The following PSMG2 variants were observed in gnomAD, a reference collection of about 807,000 sequenced individuals.
PSMG2 encodes the protein CD40 ligand-activated specific transcript 3.
A neutral mutation model predicts 31.5 loss-of-function variants in PSMG2; 21 were observed. The ratio of observed to expected loss-of-function variants is 0.67; its 90% CI spans 0.47 to 0.96. The LOEUF is 0.96. Ranked by LOEUF, PSMG2 falls within the 40% of genes least tolerant of loss-of-function variation. The pLI is 0.00. For synonymous variants in PSMG2, 120 were observed against 110.4 expected (o/e 1.09, Z -0.54); for missense variants, 318 against 321.2 (o/e 0.99, Z 0.08).
chr18:12,672,437 CT>C (rs1410944029), intron 1 of PSMG2, among the ~76,000 whole-genome samples: 6 of 152,054 alleles, frequency 3.9e-5, no homozygotes, highest in African/African-American at 1.4e-4. Flanking sequence ...TTAAAACGTG[CT>C]CAATTTTAAA....
chr18:12,690,503 C>T (rs1053628488), intron 1 of PSMG2, among the ~76,000 whole-genome samples: 5 of 151,672 alleles, frequency 3.3e-5, no homozygotes, highest in East Asian at 3.9e-4. Flanking sequence ...TTGCCCAGGC[C>T]GGACTGCAGT....
intron 2 of PSMG2, among the ~76,000 whole-genome samples, chr18:12,708,171 C>G (rs2040288494): frequency 6.6e-6 from 1 of 152,046 alleles, no homozygotes; most frequent in Non-Finnish European, 1.5e-5. Context: ...TCTTAGGAGG[C>G]TAACTAACTT....
At chr18:12,671,637 A>ACTTT (rs141904842) in intron 1 of PSMG2, among the ~76,000 whole-genome samples, 11 of 121,952 alleles carry the variant, frequency 9.0e-5, no homozygotes, top group African/African-American at 3.3e-4. Flanking sequence ...CAGGTTTCAC[A>ACTTT]CTTTCTTTTT....
chr18:12,672,034 G>C (rs1374302866), intron 1 of PSMG2, among the ~76,000 whole-genome samples: 1 of 151,598 alleles, frequency 6.6e-6, no homozygotes, highest in Non-Finnish European at 1.5e-5. Flanking sequence ...TGGCCAGGCT[G>C]GTCTTGAACC....
At chr18:12,701,743 C>T (rs953641448), upstream of PSMG2, among the ~76,000 whole-genome samples, 2 of 152,144 alleles carry the variant, frequency 1.3e-5, no homozygotes, top group African/African-American at 4.8e-5. Flanking sequence ...ATTACAAACC[C>T]TTTAGTAACT....
intron 1 of PSMG2, among the ~76,000 whole-genome samples, chr18:12,676,877 T>C (rs1285742246): frequency 6.6e-6 from 1 of 152,160 alleles, no homozygotes; most frequent in African/African-American, 2.4e-5. Flanking sequence ...TTGCCTTTGA[T>C]AGCCCCAAAG....
intron 1 of PSMG2, among the ~76,000 whole-genome samples, chr18:12,662,809 G>A (rs929719333): frequency 2.0e-5 from 3 of 152,130 alleles, no homozygotes; most frequent in Admixed American, 6.6e-5. Context: ...TTGACGAAAA[G>A]TAGAGGATTG....
At chr18:12,699,627 G>C (rs1359321243), upstream of PSMG2, among the ~76,000 whole-genome samples, 2 of 152,120 alleles carry the variant, frequency 1.3e-5, no homozygotes, top group African/African-American at 4.8e-5. Context: ...AGAAACTGGT[G>C]ATGCTGTTTT....
At chr18:12,707,385 C>G (rs962150540) in intron 2 of PSMG2, among the ~76,000 whole-genome samples, 3 of 152,038 alleles carry the variant, frequency 2.0e-5, no homozygotes, top group South Asian at 4.2e-4. Context: ...TATGGAAAGG[C>G]GAAAAGTAGA....
chr18:12,680,786 G>A (rs1287735258), intron 1 of PSMG2: 1 of 1,613,672 alleles, frequency 6.2e-7, no homozygotes, highest in Admixed American at 1.7e-5. Context: ...CCATATCCAA[G>A]AAGAAGGCTG....
At chr18:12,658,855 A>G in intron 1 of PSMG2, 1 of 307,166 alleles carries the variant, frequency 3.3e-6, no homozygotes, top group Non-Finnish European at 6.6e-6. Flanking sequence ...TGGAATATAA[A>G]CATGTACATA....
intron 1 of PSMG2, among the ~76,000 whole-genome samples, chr18:12,670,228 GCT>G (rs1175891438): frequency 6.6e-6 from 1 of 151,850 alleles, no homozygotes; most frequent in Non-Finnish European, 1.5e-5. Context: ...TACTTGGGAG[GCT>G]GAGGCAGGAG....
chr18:12,712,504 T>C (rs916681839), intron 2 of PSMG2, among the ~76,000 whole-genome samples, 198 bp from the exon 3 acceptor site: 2 of 152,234 alleles, frequency 1.3e-5, no homozygotes, highest in Non-Finnish European at 2.9e-5. Flanking sequence ...ATCTGTTCCA[T>C]AGAATAAAGC....
intron 5 of PSMG2, among the ~76,000 whole-genome samples, chr18:12,723,039 A>G (rs548309688): frequency 1.7e-4 from 26 of 152,238 alleles, no homozygotes; most frequent in Non-Finnish European, 3.1e-4. Flanking sequence ...GTACTGGGCT[A>G]GGGTGAGTGA....
rs1344308520 is a variant in PSMG2, at chr18:12,661,231, C to T, written c.-37+2458C>T. On this transcript the variant is annotated intron_variant, in intron 1 of 6. Coordinates refer to the PSMG2 transcript ENST00000585331. ...GCTGAGGCAGGGGAATCACTTGAACCCGGGAGGCGGAGCGTGCAGTGAGCC... is the reference window on the plus strand; with the variant it reads ...GCTGAGGCAGGGGAATCACTTGAACTCGGGAGGCGGAGCGTGCAGTGAGCC... 1.3e-5 allele frequency: 3 copies of T among 228,720 alleles called. No homozygotes were observed. In the Admixed American group the frequency reaches 2.0e-4, roughly 15 times the overall value. The allele number at this position is 228,720 out of a possible 1,614,324, so 14.2% of individuals were successfully genotyped here.
At chr18:12,661,463 A>C in intron 1 of PSMG2, 21 of 522,678 alleles carry the variant, frequency 4.0e-5, no homozygotes, top group Non-Finnish European at 5.2e-5. Context: ...CCATTTTCTC[A>C]TTTTCAATTC....
At position 12,725,530 on chromosome 18, in the gene PSMG2, G is replaced by T. The variant is rs779915123; in HGVS notation, c.794G>T (p.Ter265LeuextTer19). ...FGSGLPPALF[*>L] ...AGTGGTCTTCCCCCTGCACTTTTCTGATCTAATTTCTGTTTTATACCTTAT... is the reference window on the plus strand; with the variant it reads ...AGTGGTCTTCCCCCTGCACTTTTCTTATCTAATTTCTGTTTTATACCTTAT... Residue 265 changes from the stop codon to leucine (L), a stop_lost, in exon 7 of 7, where the codon TGA becomes TTA. Transcript: ENST00000317615. 1.9e-6 allele frequency: 3 copies of T among 1,579,350 alleles called. No homozygotes were observed. Among genetic ancestry groups the T allele is most frequent in the East Asian group, 2.2e-5 (1 of 44,508 alleles).
chr18:12,695,292 G>A (rs1055962293), intron 1 of PSMG2: 3 of 1,568,806 alleles, frequency 1.9e-6, no homozygotes, highest in African/African-American at 1.4e-5. Flanking sequence ...GTTTGATTGA[G>A]TGGTGGATAC....
At chr18:12,673,605 C>T (rs2039008611) in intron 1 of PSMG2, 8 of 921,202 alleles carry the variant, frequency 8.7e-6, no homozygotes, top group African/African-American at 3.6e-5. Flanking sequence ...TCAGGCTAGG[C>T]GTGGTGGCTC....
Sources: gnomAD v4.1 joint callset for allele counts (sites outside exome capture counted in the v4.1 genomes callset) on GRCh38, gnomAD v4.1.1 for gene constraint, MANE v1.5 for transcripts, NCBI Gene and HGNC (gene_info 2026-07-23, HGNC 2026-07-21) for gene names.